The following RYK variants were observed in gnomAD, a reference collection of about 807,000 sequenced individuals.
The protein encoded by RYK is receptor like tyrosine kinase, also known as inactive tyrosine-protein kinase RYK.
A neutral mutation model predicts 70.2 loss-of-function variants in RYK; 21 were observed. The ratio of observed to expected loss-of-function variants is 0.30; its 90% confidence interval spans 0.21 to 0.43. RYK has a LOEUF of 0.43. Among genes scored for constraint, RYK ranks in the 20% least tolerant of loss-of-function variants. RYK has a pLI of 1.00. For synonymous variants in RYK, 267 were observed against 278.0 expected (o/e 0.96, Z 0.39); for missense variants, 604 against 753.3 (o/e 0.80, Z 2.32).
chr3:134,189,716 C>T (rs1560009333), intron 8 of RYK, among the ~76,000 whole-genome samples: 1 of 142,512 alleles, frequency 7.0e-6, no homozygotes, highest in Non-Finnish European at 1.5e-5. Flanking sequence ...GCACTCCAGC[C>T]TGGGCAACAG....
At chr3:134,196,438 G>A (rs992271484) in intron 6 of RYK, among the ~76,000 whole-genome samples, 1 of 152,016 alleles carries the variant, frequency 6.6e-6, no homozygotes, top group Admixed American at 6.6e-5. Flanking sequence ...TCAAAAACTG[G>A]TGATTTAAAA....
chr3:134,230,063 C>T (rs1395342611), intron 1 of RYK, among the ~76,000 whole-genome samples: 1 of 152,148 alleles, frequency 6.6e-6, no homozygotes, highest in East Asian at 1.9e-4. Context: ...AACATATGTC[C>T]ACAAAAAGAC....
At chr3:134,243,509 T>G (rs1222319738) in intron 1 of RYK, among the ~76,000 whole-genome samples, 1 of 152,212 alleles carries the variant, frequency 6.6e-6, no homozygotes, top group Non-Finnish European at 1.5e-5. Context: ...AATTCACCTG[T>G]AAGAGTTCAA....
At chr3:134,207,608 C>G (rs1313879387) in intron 4 of RYK, 83 bp from the exon 5 acceptor site, 2 of 896,560 alleles carry the variant, frequency 2.2e-6, no homozygotes, top group Admixed American at 2.6e-5. Flanking sequence ...CAGAACATTG[C>G]TGGAACTCAG....
intron 13 of RYK, among the ~76,000 whole-genome samples, chr3:134,160,872 T>A (rs1161859095): frequency 6.6e-6 from 1 of 152,034 alleles, no homozygotes; most frequent in Non-Finnish European, 1.5e-5. Flanking sequence ...GAAAAAAAAA[T>A]TAAAAACTGT....
intron 10 of RYK, chr3:134,180,052 G>A (rs2013243330): frequency 6.6e-6 from 1 of 152,138 alleles, no homozygotes; most frequent in South Asian, 2.1e-4. Flanking sequence ...AGATGCTATA[G>A]TGAAGAAAGA....
chr3:134,227,023 A>G (rs1412242321), intron 1 of RYK, among the ~76,000 whole-genome samples: 2 of 152,236 alleles, frequency 1.3e-5, no homozygotes, highest in Non-Finnish European at 2.9e-5. Context: ...TGACATAATC[A>G]TATGTATAGA....
intron 9 of RYK, among the ~76,000 whole-genome samples, chr3:134,188,150 AAT>A (rs56113636): frequency 0.074 from 10,087 of 136,540 alleles, 737 homozygotes; most frequent in East Asian, 0.29. Context: ...ACAATCTAAC[AAT>A]ATATATATAT....
intron 1 of RYK, among the ~76,000 whole-genome samples, chr3:134,232,066 A>G (rs1000263840): frequency 6.6e-6 from 1 of 152,192 alleles, no homozygotes; most frequent in African/African-American, 2.4e-5. Context: ...CTCTGCCTCT[A>G]AAATCTTGAA....
intron 1 of RYK, among the ~76,000 whole-genome samples, chr3:134,227,962 C>T (rs1475970788): frequency 1.3e-5 from 2 of 152,180 alleles, no homozygotes; most frequent in African/African-American, 2.4e-5. Context: ...CGTGAGCCAC[C>T]GTGCCTGGCC....
At chr3:134,162,492 C>T (rs759645979) in intron 13 of RYK, among the ~76,000 whole-genome samples, 18 of 152,032 alleles carry the variant, frequency 1.2e-4, no homozygotes, top group Non-Finnish European at 2.5e-4. Context: ...GATGGAGAAG[C>T]GTGTATAGTT....
At chr3:134,228,706 G>A (rs968850140) in intron 1 of RYK, among the ~76,000 whole-genome samples, 2 of 152,206 alleles carry the variant, frequency 1.3e-5, no homozygotes, top group Non-Finnish European at 2.9e-5. Context: ...ACTGAGGCGG[G>A]GAGGGGAAAG....
Position 134,197,728 on chromosome 3 carries a change from C to A in RYK, c.789-2546G>T, listed in dbSNP as rs2013859609. ...AGGAAATAAATGGGATTAAGATAAT[C>A]TACCTCACAGGATTTTTGTGAGGCT... On this transcript the variant is annotated intron_variant, in intron 6 of 14. Coordinates refer to ENST00000623711, the MANE Select transcript of RYK (RefSeq NM_002958.4). 2.6e-5 allele frequency among the ~76,000 whole-genome samples: 4 copies of A among 152,144 alleles called. No homozygotes were observed. The South Asian group carries it at 8.3e-4, about 32-fold the overall frequency.
intron 1 of RYK, among the ~76,000 whole-genome samples, chr3:134,223,529 A>C (rs2014800064): frequency 6.6e-6 from 1 of 152,210 alleles, no homozygotes; most frequent in African/African-American, 2.4e-5. Flanking sequence ...GTGCCTACCA[A>C]GAAGGCAGTG....
At chr3:134,215,960 T>TG (rs1436206476) in intron 2 of RYK, among the ~76,000 whole-genome samples, 2 of 146,606 alleles carry the variant, frequency 1.4e-5, no homozygotes, top group African/African-American at 2.5e-5. Context: ...CACTTGAACC[T>TG]GGGGGGCGGA....
At chr3:134,189,980 G>A (rs2107667696) in intron 8 of RYK, among the ~76,000 whole-genome samples, 1 of 152,186 alleles carries the variant, frequency 6.6e-6, no homozygotes, top group East Asian at 1.9e-4. Flanking sequence ...AGATAAGCTT[G>A]CAAATAGTTT....
At chr3:134,236,247 G>A (rs1354558394) in intron 1 of RYK, among the ~76,000 whole-genome samples, 1 of 152,086 alleles carries the variant, frequency 6.6e-6, no homozygotes, top group African/African-American at 2.4e-5. Flanking sequence ...CTGAGACACT[G>A]TAGTGGGCAA....
intron 6 of RYK, among the ~76,000 whole-genome samples, chr3:134,198,257 T>C (rs1034604241): frequency 2.6e-5 from 4 of 152,242 alleles, no homozygotes; most frequent in African/African-American, 9.6e-5. Flanking sequence ...AACCCTGTCT[T>C]AGAATGAAGT....
intron 13 of RYK, among the ~76,000 whole-genome samples, chr3:134,171,693 T>C (rs1049442318): frequency 3.3e-5 from 5 of 151,868 alleles, no homozygotes; most frequent in Non-Finnish European, 5.9e-5. Context: ...ACAGCAAGCC[T>C]CCATCTCTAC....
Sources: gnomAD v4.1 joint callset for allele counts (sites outside exome capture counted in the v4.1 genomes callset) on GRCh38, gnomAD v4.1.1 for gene constraint, MANE v1.5 for transcripts, NCBI Gene and HGNC (gene_info 2026-07-23, HGNC 2026-07-21) for gene names.